CSMD1: variants seen among roughly 807,000 people sequenced by gnomAD.
CSMD1 encodes CUB and sushi domain-containing protein 1.
Under a neutral mutation model 417.5 loss-of-function variants are expected in CSMD1, and 213 were observed. That is an observed-to-expected ratio of 0.51 (90% CI 0.46 to 0.57). The LOEUF (loss-of-function observed/expected upper bound fraction) is 0.57, where lower values mean the gene tolerates loss of function less well. CSMD1 is among the 20% of genes least tolerant of loss of function. The pLI is 0.00. For missense variants in CSMD1, 6,923 were observed against 4,529.7 expected (o/e 1.53, Z -15.17); for synonymous variants, 2,862 against 1,736.8 (o/e 1.65, Z -16.11).
intron 10 of CSMD1, among the ~76,000 whole-genome samples, chr8:3,552,202 G>C (rs995377660): frequency 6.6e-6 from 1 of 152,060 alleles, no homozygotes; most frequent in Non-Finnish European, 1.5e-5. Flanking sequence ...CTGTGGAAAA[G>C]ACAACATTCT....
chr8:3,798,988 T>C (rs919582814), intron 5 of CSMD1, among the ~76,000 whole-genome samples: 27 of 151,992 alleles, frequency 1.8e-4, no homozygotes, highest in African/African-American at 6.3e-4. Context: ...GAATAATAAA[T>C]ATGCCATATA....
At chr8:4,273,458 A>C (rs556047520) in intron 3 of CSMD1, among the ~76,000 whole-genome samples, 6 of 152,268 alleles carry the variant, frequency 3.9e-5, no homozygotes, top group Admixed American at 2.6e-4. Flanking sequence ...GGGTTTCAGA[A>C]GCAAATTATA....
chr8:3,773,636 G>A (rs184651298), intron 5 of CSMD1, among the ~76,000 whole-genome samples: 6 of 152,018 alleles, frequency 3.9e-5, no homozygotes, highest in South Asian at 2.1e-4. Context: ...AAACTATTTG[G>A]CAGTTTTATT....
intron 3 of CSMD1, among the ~76,000 whole-genome samples, chr8:4,414,873 G>C (rs956669506): frequency 2.6e-5 from 4 of 152,204 alleles, no homozygotes. Context: ...GGCATATGAG[G>C]TGCCATCTAC....
chr8:3,325,078 C>T (rs765857860), intron 23 of CSMD1, among the ~76,000 whole-genome samples: 8 of 152,086 alleles, frequency 5.3e-5, no homozygotes, highest in African/African-American at 1.2e-4. Flanking sequence ...GAATCTGAAT[C>T]GATTTTAGAA....
chr8:4,279,691 T>A (rs1023971601), intron 3 of CSMD1, among the ~76,000 whole-genome samples: 6 of 152,220 alleles, frequency 3.9e-5, no homozygotes, highest in Admixed American at 1.3e-4. Flanking sequence ...CAACTTTGAA[T>A]GTGCATTTTC....
intron 10 of CSMD1, among the ~76,000 whole-genome samples, chr8:3,570,964 C>G (rs146042806): frequency 9.3e-4 from 142 of 152,240 alleles, no homozygotes; most frequent in African/African-American, 3.3e-3. Flanking sequence ...GTGCTATAGG[C>G]ACATCTTTCA....
At chr8:3,371,014 T>C (rs1809912397) in intron 18 of CSMD1, among the ~76,000 whole-genome samples, 1 of 152,042 alleles carries the variant, frequency 6.6e-6, no homozygotes, top group South Asian at 2.1e-4. Flanking sequence ...TTTTATCTTT[T>C]CTTGAGCTGG....
At chr8:3,356,662 C>G (rs1041241213) in intron 21 of CSMD1, among the ~76,000 whole-genome samples, 1 of 152,032 alleles carries the variant, frequency 6.6e-6, no homozygotes, top group Non-Finnish European at 1.5e-5. Context: ...GTGACAAGAA[C>G]AAAACTCCAT....
At chr8:3,606,904 G>T (rs929281396) in intron 8 of CSMD1, among the ~76,000 whole-genome samples, 1 of 151,948 alleles carries the variant, frequency 6.6e-6, no homozygotes, top group East Asian at 2.0e-4. Flanking sequence ...TAGAGACAGG[G>T]TTTCACCATG....
chr8:3,561,759 C>A (rs184014558), intron 10 of CSMD1, among the ~76,000 whole-genome samples: 133 of 152,006 alleles, frequency 8.7e-4, no homozygotes, highest in Admixed American at 8.7e-3. Flanking sequence ...GACATATACC[C>A]GCTTTAAAAA....
chr8:4,572,314 G>T (rs1396205093), intron 2 of CSMD1, among the ~76,000 whole-genome samples: 2 of 152,152 alleles, frequency 1.3e-5, no homozygotes, highest in African/African-American at 4.8e-5. Context: ...CAGGCCTAGT[G>T]GTGACAAAAT....
At chr8:3,807,822 T>A (rs1800831813) in intron 5 of CSMD1, among the ~76,000 whole-genome samples, 1 of 152,186 alleles carries the variant, frequency 6.6e-6, no homozygotes, top group Non-Finnish European at 1.5e-5. Context: ...CTCACTGAGA[T>A]CCTAGCACAT....
At chr8:4,308,019 A>G (rs1272215410) in intron 3 of CSMD1, among the ~76,000 whole-genome samples, 1 of 152,212 alleles carries the variant, frequency 6.6e-6, no homozygotes, top group Non-Finnish European at 1.5e-5. Flanking sequence ...GATGGTGGGC[A>G]TACTACAGAG....
chr8:4,888,118 T>C (rs749013332), intron 1 of CSMD1, among the ~76,000 whole-genome samples: 74 of 152,068 alleles, frequency 4.9e-4, no homozygotes, highest in Middle Eastern at 3.4e-3. Flanking sequence ...TATAAAATAT[T>C]AGAAATAATC....
intron 46 of CSMD1, among the ~76,000 whole-genome samples, chr8:3,103,613 A>G (rs1815913354): frequency 6.6e-6 from 1 of 152,102 alleles, no homozygotes; most frequent in Non-Finnish European, 1.5e-5. Context: ...ACATTTATCT[A>G]CACGGTCTGT....
At chr8:3,383,704 C>CTA (rs1361220875) in intron 18 of CSMD1, among the ~76,000 whole-genome samples, 3 of 150,364 alleles carry the variant, frequency 2.0e-5, no homozygotes, top group African/African-American at 7.3e-5. Flanking sequence ...TACACAACAC[C>CTA]TATAATTCAG....
At chr8:4,152,602 A>G (rs1434335335) in intron 3 of CSMD1, among the ~76,000 whole-genome samples, 1 of 152,056 alleles carries the variant, frequency 6.6e-6, no homozygotes, top group African/African-American at 2.4e-5. Context: ...AAGTGGGAAG[A>G]TCGTTTGAGC....
chr8:4,847,561 A>C (rs1319035965), intron 1 of CSMD1, among the ~76,000 whole-genome samples: 1 of 152,186 alleles, frequency 6.6e-6, no homozygotes, highest in Non-Finnish European at 1.5e-5. Flanking sequence ...ATTTTATTAA[A>C]GAGTCCATAC....
Sources: allele counts gnomAD v4.1 joint callset (sites outside exome capture counted in the v4.1 genomes callset), GRCh38; gene constraint gnomAD v4.1.1; transcripts MANE v1.5; gene names NCBI Gene and HGNC (gene_info 2026-07-23, HGNC 2026-07-21).